Variants in POLE observed in about 807,000 individuals in gnomAD.
POLE encodes the protein DNA polymerase epsilon catalytic subunit A.
Under a neutral mutation model 279.2 loss-of-function variants are expected in POLE, and 188 were observed. The observed-to-expected ratio is 0.67, with a 90% CI of 0.60 to 0.76. The LOEUF (loss-of-function observed/expected upper bound fraction) is 0.76, where lower values mean the gene tolerates loss of function less well. Ranked by LOEUF, POLE falls within the 30% of genes least tolerant of loss-of-function variation. POLE has a pLI of 0.00. For synonymous variants in POLE, 1,214 were observed against 1,172.5 expected (o/e 1.04, Z -0.72); for missense variants, 2,703 against 3,016.7 (o/e 0.90, Z 2.44).
rs201279820 is a variant in POLE at position 132,680,209 on chromosome 12, T to A, written c.299A>T (p.Tyr100Phe). 6.2e-7 allele frequency: 1 copy of A among 1,614,112 alleles called. No individual in the cohort carries two copies. Among genetic ancestry groups the A allele is most frequent in the East Asian group, 2.2e-5 (1 of 44,886 alleles). ...GGTCGCAATGTAGAAATACGGTTTA[T>A]AGGGCAAAGCCACCTGTTAAGAGTC... ...DGSRFKVALPYKPYFYIATRK... is the reference protein window; with the variant it reads ...DGSRFKVALPFKPYFYIATRK... Residue 100 changes from tyrosine (Y) to phenylalanine (F), a missense_variant, in exon 4 of 49, where the codon TAT (tyrosine) becomes TTT (phenylalanine). Transcript: ENST00000320574.
At chr12:132,624,865 G>A in intron 48 of POLE, 40 bp downstream of exon 48, 2 of 1,162,862 alleles carry the variant, frequency 1.7e-6, no homozygotes, top group Non-Finnish European at 2.4e-6. Flanking sequence ...AGGAGGCCAA[G>A]GAGGCCAGGC....
At chr12:132,625,184 AC>A (rs1046424414) in intron 47 of POLE, 190 bp from the exon 48 acceptor site, 5 of 684,180 alleles carry the variant, frequency 7.3e-6, no homozygotes, top group African/African-American at 7.0e-5. Context: ...CCTTCCCTAC[AC>A]CCACCCTCGC....
Position 132,668,551 on chromosome 12 carries a change from C to A in POLE, c.2027-49G>T, listed in dbSNP as rs777621979. ...AGTTCAAAAGGAGGCACAGACACAC[C>A]GGCTTCCCACCAAGTGGAGAAAGGC... On this transcript the variant is annotated intron_variant, in intron 18 of 48. Transcript: ENST00000320574. The surrounding 1 kb of genome is among the most constrained non-coding windows in gnomAD (Gnocchi z 4.0). 3 of 1,579,948 alleles carry A rather than the reference C, an allele frequency of 1.9e-6. No homozygotes were observed. The East Asian group carries it at 6.8e-5, about 36-fold the overall frequency.
intron 23 of POLE, 141 bp downstream of exon 23, chr12:132,663,863 G>T: frequency 2.6e-6 from 2 of 783,704 alleles, no homozygotes; most frequent in Non-Finnish European, 2.0e-6. Flanking sequence ...TCTGACCATG[G>T]TCTTCAGGCT....
At chr12:132,631,150 C>T (rs1340162181) in intron 45 of POLE, among the ~76,000 whole-genome samples, 1 of 152,142 alleles carries the variant, frequency 6.6e-6, no homozygotes, top group Non-Finnish European at 1.5e-5. Context: ...CACACGAGCG[C>T]GTGGATGAAC....
chr12:132,626,179 TG>T lies in POLE; in HGVS notation c.6468del (p.Ile2157SerfsTer45). On this transcript the variant is annotated frameshift_variant, in exon 46 of 49. Coordinates refer to ENST00000320574, the MANE Select transcript of POLE (RefSeq NM_006231.4). LOFTEE classifies it high-confidence loss of function. ...DPCRSYVLPEVICRSCNFCRD... is the reference protein window; with the variant it reads ...DPCRSYVLPEXICRSCNFCRD... ...CGGCAGAAGTTACAGCTGCGGCAGA[TG>T]ACCTCAGGAAGCACGTAGGAGCGGC... 6.2e-7 allele frequency: 1 copy of T among 1,613,150 alleles called. No individual in the cohort carries two copies. Among genetic ancestry groups the T allele is most frequent in the Non-Finnish European group, 8.5e-7 (1 of 1,179,678 alleles).
chr12:132,673,455 T>A (rs1386569399), intron 13 of POLE, 120 bp downstream of exon 13: 5 of 1,448,522 alleles, frequency 3.5e-6, no homozygotes, highest in Non-Finnish European at 4.7e-6. Flanking sequence ...CGGGCTGGCA[T>A]ACATGCGTGC....
At position 132,672,753 on chromosome 12, in the gene POLE, T is replaced by C. The variant is rs201841065; in HGVS notation, c.1560A>G (p.Gln520=). The change falls in exon 15 of 49, where the codon CAA becomes CAG. Residue 520 remains glutamine (Q), a synonymous_variant. Coordinates refer to ENST00000320574, the MANE Select transcript of POLE (RefSeq NM_006231.4). ...CCGTCAGCTTATTGAACTCCTGCTC[T>C]TGCTTGTTGGGGAAGATGATGTTGG... ...FHANIIFPNK[Q]EQEFNKLTDD... 69 of 1,614,160 alleles carry C rather than the reference T, an allele frequency of 4.3e-5. No individual in the cohort carries two copies. In the Admixed American group the frequency reaches 1.1e-3, roughly 26 times the overall value.
At chr12:132,665,518 C>A (rs116095591) in intron 20 of POLE, 68 bp from the exon 21 acceptor site, 2 of 1,513,424 alleles carry the variant, frequency 1.3e-6, no homozygotes, top group Admixed American at 2.1e-5. Context: ...AGTCAATAGC[C>A]CAGGTTTTTA....
chr12:132,669,217 C>T (rs748871440), intron 16 of POLE, among the ~76,000 whole-genome samples: 20 of 152,074 alleles, frequency 1.3e-4, no homozygotes, highest in Non-Finnish European at 2.6e-4. Context: ...GTAATCCTAG[C>T]ACTTTCGGAG....
chr12:132,639,371 GA>G lies in POLE; in HGVS notation c.5379-74del. 1 of 1,432,236 alleles carries G rather than the reference GA, an allele frequency of 7.0e-7. No individual in the cohort carries two copies. The highest frequency in any genetic ancestry group is 9.7e-7 in the Non-Finnish European group (1 of 1,036,172). The allele number at this position is 1,432,236 out of a possible 1,614,324, so 88.7% of individuals were successfully genotyped here. A position where few individuals can be genotyped will look rare whatever the true frequency, so the allele number is the denominator to read the frequency against. On this transcript the variant is annotated intron_variant, in intron 39 of 48. Transcript: ENST00000320574. The surrounding 1 kb of genome is among the most constrained non-coding windows in gnomAD (Gnocchi z 4.7). ...TGCTGCCACGCGGGACGCTCCAACTGAAATGGGCACAGGTTTTCCCTACACG... is the reference window on the plus strand; with the variant it reads ...TGCTGCCACGCGGGACGCTCCAACTGAATGGGCACAGGTTTTCCCTACACG...
chr12:132,635,712 C>T (rs1294477082), intron 42 of POLE, among the ~76,000 whole-genome samples, 180 bp downstream of exon 42: 1 of 152,258 alleles, frequency 6.6e-6, no homozygotes, highest in Non-Finnish European at 1.5e-5. Flanking sequence ...GCTGACGCCA[C>T]ACTCCACACT....
chr12:132,680,441 CTCTCAGGACA>C (rs2043142718), intron 3 of POLE, 156 bp downstream of exon 3: 1 of 670,202 alleles, frequency 1.5e-6, no homozygotes, highest in African/African-American at 1.8e-5. Context: ...GAACTGACCT[CTCTCAGGACA>C]TCTTACGTGA....
rs139354109 is a variant in POLE at position 132,649,794 on chromosome 12, A to G, written c.3678T>C (p.Pro1226=). The G allele has an allele frequency of 3.1e-6, 5 of 1,614,152 alleles. No individual in the cohort carries two copies. In the African/African-American group the frequency reaches 5.3e-5, roughly 17 times the overall value. Residue 1226 remains proline (P), a synonymous_variant, in exon 30 of 49, where the codon CCT becomes CCC. Coordinates refer to ENST00000320574, the MANE Select transcript of POLE (RefSeq NM_006231.4). The part of the protein sequence containing the change: ...GLVKLPHPAA[P]VTVKRKRVLW... Reference sequence around the variant, plus strand: ...GAACTCGCTTCCTCTTCACAGTGACAGGGGCTGCTGGGTGAGGCAGCTTTA... The same window carrying G: ...GAACTCGCTTCCTCTTCACAGTGACGGGGGCTGCTGGGTGAGGCAGCTTTA...
At chr12:132,636,441 G>GAAAA (rs60289510) in intron 41 of POLE, among the ~76,000 whole-genome samples, 7 of 44,446 alleles carry the variant, frequency 1.6e-4, no homozygotes, top group African/African-American at 6.2e-4. Flanking sequence ...TCCATTTAAG[G>GAAAA]AAAAAAAAAA....
rs2043037848 is a variant in POLE, at chr12:132,675,817, G to A, written c.1024C>T (p.His342Tyr). ...FCVFNEPDEA[H>Y]LIQRWFEHVQ... is the part of the protein sequence containing the mutation. Reference sequence around the variant, plus strand: ...TGTTCAAACCACCTTTGGATCAGATGAGCCTGAACCCAAGTCACAGCAGTC... The same window carrying A: ...TGTTCAAACCACCTTTGGATCAGATAAGCCTGAACCCAAGTCACAGCAGTC... Residue 342 changes from histidine (H) to tyrosine (Y), a missense_variant, in exon 11 of 49, where the codon CAT becomes TAT. By Grantham distance (83) the His-to-Tyr change is moderately conservative (BLOSUM62 2). Around this residue, in one of 5 missense-constraint regions of POLE, gnomAD observed 1,011 missense variants for 1,111.7 expected, o/e 0.91. Transcript: ENST00000320574. This position sits in a 1 kb window ranked among gnomAD's most constrained non-coding sequence, Gnocchi z 4.3. 3 of 1,613,002 alleles carry A rather than the reference G, an allele frequency of 1.9e-6. No homozygotes were observed. The highest frequency in any genetic ancestry group is 8.5e-7 in the Non-Finnish European group (1 of 1,178,952).
intron 25 of POLE, chr12:132,660,320 C>T (rs1208415660): frequency 6.6e-6 from 1 of 152,518 alleles, no homozygotes; most frequent in African/African-American, 2.4e-5. Flanking sequence ...CCCTGGTGCT[C>T]CCTTGCTCGT....
chr12:132,629,157 G>A (rs1401740220), intron 45 of POLE, among the ~76,000 whole-genome samples: 1 of 152,222 alleles, frequency 6.6e-6, no homozygotes, highest in Non-Finnish European at 1.5e-5. Flanking sequence ...CTCCTTGTAC[G>A]TCTCCATCAG....
Position 132,677,668 on chromosome 12 carries a change from C to T in POLE, c.630G>A (p.Lys210=), listed in dbSNP as rs2043086755. 1 of 1,614,058 alleles carries T rather than the reference C, an allele frequency of 6.2e-7. No individual in the cohort carries two copies. The highest frequency in any genetic ancestry group is 1.3e-5 in the African/African-American group (1 of 74,928). ...VITDEEETSK[K]IADQLDNIVD... is the part of the protein sequence containing the mutation. The stretch of plus-strand genomic sequence containing the variant: ...CAATGTTGTCCAACTGGTCAGCTAT[C>T]TTCTTAGAGGTTTCCTCTTCATCAG... The change falls in exon 7 of 49, where the codon AAG becomes AAA. Residue 210 remains lysine (K), a synonymous_variant. Transcript: ENST00000320574.
Sources: allele counts gnomAD v4.1 joint callset (sites outside exome capture counted in the v4.1 genomes callset), GRCh38; gene constraint gnomAD v4.1.1; regional missense constraint gnomAD v4.1.1; non-coding constraint Gnocchi (gnomAD v3.1); transcripts MANE v1.5; gene names NCBI Gene and HGNC (gene_info 2026-07-23, HGNC 2026-07-21).